Variants in CLVS2 observed in about 807,000 individuals in gnomAD.
CLVS2 encodes clavesin-2.
CLVS2 carries 19 observed loss-of-function variants against 29.0 expected under a neutral mutation model. The ratio of observed to expected loss-of-function variants is 0.66; its 90% CI spans 0.46 to 0.96. The LOEUF (loss-of-function observed/expected upper bound fraction) is 0.96, where lower values mean the gene tolerates loss of function less well. CLVS2 is among the 40% of genes least tolerant of loss of function. CLVS2 has a pLI of 0.00. For synonymous variants in CLVS2, 161 were observed against 151.3 expected (o/e 1.06, Z -0.47); for missense variants, 294 against 404.1 (o/e 0.73, Z 2.34).
At chr6:123,002,350 G>A (rs2114296650) in intron 2 of CLVS2, among the ~76,000 whole-genome samples, 1 of 152,136 alleles carries the variant, frequency 6.6e-6, no homozygotes, top group East Asian at 1.9e-4. Context: ...AAACTTGTCA[G>A]TTTGCTCCTA....
chr6:123,053,231 C>A (rs1395700299), intron 4 of CLVS2, among the ~76,000 whole-genome samples: 1 of 152,114 alleles, frequency 6.6e-6, no homozygotes. Context: ...GTAGTCCCAG[C>A]TACTCGAGAG....
At chr6:123,051,499 G>C (rs879538431) in intron 4 of CLVS2, among the ~76,000 whole-genome samples, 3 of 152,120 alleles carry the variant, frequency 2.0e-5, no homozygotes, top group Non-Finnish European at 4.4e-5. Flanking sequence ...CTTTGCAAAA[G>C]CTAAAATCCA....
chr6:122,996,806 AT>A, intron 1 of CLVS2, 60 bp downstream of exon 1: 1 of 163,476 alleles, frequency 6.1e-6, no homozygotes. Context: ...AGATAAGGAC[AT>A]TTTTATTTTA....
At chr6:123,049,812 G>A (rs984068969) in intron 4 of CLVS2, among the ~76,000 whole-genome samples, 6 of 122,558 alleles carry the variant, frequency 4.9e-5, no homozygotes, top group Non-Finnish European at 7.5e-5. Flanking sequence ...GATGGGGGGC[G>A]GGGAGGAATA....
intron 3 of CLVS2, among the ~76,000 whole-genome samples, chr6:123,017,112 G>A (rs1432056009): frequency 1.3e-5 from 2 of 151,918 alleles, no homozygotes; most frequent in African/African-American, 4.8e-5. Flanking sequence ...GTGTGTGTGT[G>A]TGTGCGTAAG....
At position 123,065,126 on chromosome 6, in the gene CLVS2, T is replaced by C. The variant is rs1292089954; in HGVS notation, c.*1365T>C. On this transcript the variant is annotated 3_prime_UTR_variant, in exon 6 of 6. Transcript: ENST00000275162. ...GGAAGGCATCTATGACAACATGTAA[T>C]CATTTATACGTGGATTTAGAAATTT... 1 of 151,908 alleles carries C rather than the reference T, an allele frequency of 6.6e-6. No homozygotes were observed. Among genetic ancestry groups the C allele is most frequent in the African/African-American group, 2.4e-5 (1 of 41,408 alleles). The allele number at this position is 151,908 out of a possible 1,614,324, so 9.4% of individuals were successfully genotyped here.
intron 3 of CLVS2, among the ~76,000 whole-genome samples, chr6:123,033,110 C>T (rs188368664): frequency 6.6e-6 from 1 of 151,952 alleles, no homozygotes; most frequent in Admixed American, 6.6e-5. Flanking sequence ...TTAAAGGAAA[C>T]ATTTCACACT....
At position 123,071,280 on chromosome 6, in the gene CLVS2, A is replaced by C. The variant is rs1464441646; in HGVS notation, c.*7519A>C. ...GAGTTTCTTGTTGTCTTAATTTAAA[A>C]AATTTTGTTATTTATCTTCAAAGGG... On this transcript the variant is annotated 3_prime_UTR_variant, in exon 6 of 6. Transcript: ENST00000275162. 2 of 152,034 alleles carry C rather than the reference A, an allele frequency of 1.3e-5. No homozygotes were observed. Among genetic ancestry groups the C allele is most frequent in the African/African-American group, 4.8e-5 (2 of 41,432 alleles). The allele number at this position is 152,034 out of a possible 1,614,324, so 9.4% of individuals were successfully genotyped here.
At chr6:123,021,295 C>T (rs1245849173) in intron 3 of CLVS2, among the ~76,000 whole-genome samples, 2 of 151,910 alleles carry the variant, frequency 1.3e-5, no homozygotes, top group African/African-American at 4.8e-5. Context: ...CAAACAAGTT[C>T]TTATTACTTT....
At chr6:123,014,013 A>G (rs370430869) in intron 3 of CLVS2, among the ~76,000 whole-genome samples, 15 of 152,268 alleles carry the variant, frequency 9.9e-5, no homozygotes, top group African/African-American at 3.1e-4. Context: ...ATGGCTGCAT[A>G]GTATTCCATG....
intron 3 of CLVS2, among the ~76,000 whole-genome samples, 155 bp downstream of exon 3, chr6:123,011,314 G>A (rs1261704749): frequency 1.3e-5 from 2 of 151,934 alleles, no homozygotes; most frequent in African/African-American, 4.8e-5. Context: ...ACTGAAGAAA[G>A]GATTATAGAA....
At chr6:123,013,346 A>G (rs1582646241) in intron 3 of CLVS2, among the ~76,000 whole-genome samples, 2 of 152,160 alleles carry the variant, frequency 1.3e-5, no homozygotes, top group East Asian at 1.9e-4. Context: ...CAACACCACA[A>G]CAGTAATAAA....
intron 5 of CLVS2, among the ~76,000 whole-genome samples, chr6:123,057,029 C>T (rs527605728): frequency 4.6e-5 from 7 of 152,172 alleles, no homozygotes; most frequent in Admixed American, 1.3e-4. Context: ...AAATGCATAC[C>T]TGGCTCTGAG....
At chr6:123,055,684 A>T in intron 4 of CLVS2, 122 bp from the exon 5 acceptor site, 1 of 699,946 alleles carries the variant, frequency 1.4e-6, no homozygotes, top group East Asian at 2.6e-5. Context: ...TGGCTAAAGT[A>T]CTTTAACAGA....
intron 2 of CLVS2, among the ~76,000 whole-genome samples, chr6:123,000,389 A>G (rs1774574028): frequency 6.6e-6 from 1 of 152,178 alleles, no homozygotes; most frequent in Non-Finnish European, 1.5e-5. Context: ...AGGGACTAGT[A>G]GACAAACAGA....
intron 3 of CLVS2, among the ~76,000 whole-genome samples, chr6:123,046,101 C>T (rs531514364): frequency 6.6e-6 from 1 of 152,126 alleles, no homozygotes; most frequent in African/African-American, 2.4e-5. Flanking sequence ...TCAAGGGCTA[C>T]GTTCTTGTTT....
intron 2 of CLVS2, among the ~76,000 whole-genome samples, chr6:123,006,987 G>A (rs996428552): frequency 3.9e-5 from 6 of 152,092 alleles, no homozygotes; most frequent in South Asian, 2.1e-4. Flanking sequence ...TCAATGCAGC[G>A]TCACAGAACC....
At chr6:123,051,044 A>T (rs1772603068) in intron 4 of CLVS2, among the ~76,000 whole-genome samples, 1 of 152,160 alleles carries the variant, frequency 6.6e-6, no homozygotes, top group South Asian at 2.1e-4. Context: ...AATACTTTAA[A>T]TTTCTACTTA....
intron 5 of CLVS2, among the ~76,000 whole-genome samples, chr6:123,059,673 T>C (rs1434118800): frequency 6.6e-6 from 1 of 152,222 alleles, no homozygotes; most frequent in Admixed American, 6.5e-5. Flanking sequence ...CAAAACTGAC[T>C]GGTATGGGGG....
Sources: allele counts gnomAD v4.1 joint callset (sites outside exome capture counted in the v4.1 genomes callset), GRCh38; gene constraint gnomAD v4.1.1; transcripts MANE v1.5; gene names NCBI Gene and HGNC (gene_info 2026-07-23, HGNC 2026-07-21).